The following NEBL variants were observed in gnomAD, a reference collection of about 807,000 sequenced individuals.
The protein encoded by NEBL is nebulette, also known as LIM and SH3 protein 2.
Under a neutral mutation model 140.2 loss-of-function variants are expected in NEBL, and 122 were observed. The observed-to-expected ratio is 0.87, with a 90% CI of 0.75 to 1.01. The LOEUF (loss-of-function observed/expected upper bound fraction) is 1.01, where lower values mean the gene tolerates loss of function less well. Ranked by LOEUF, NEBL falls within the 50% of genes least tolerant of loss-of-function variation. The pLI, the probability that NEBL is intolerant of heterozygous loss-of-function variation, is 0.00. For synonymous variants in NEBL, 436 were observed against 398.9 expected (o/e 1.09, Z -1.11); for missense variants, 1,365 against 1,231.3 (o/e 1.11, Z -1.62).
intron 2 of NEBL, among the ~76,000 whole-genome samples, chr10:21,066,886 T>C (rs532699776): frequency 6.6e-6 from 1 of 152,240 alleles, no homozygotes; most frequent in Admixed American, 6.5e-5. Context: ...TAAGAACTTT[T>C]AGCATCATGT....
At chr10:20,926,055 A>G (rs953137582) in intron 4 of NEBL, among the ~76,000 whole-genome samples, 2 of 152,202 alleles carry the variant, frequency 1.3e-5, no homozygotes, top group African/African-American at 4.8e-5. Context: ...ATTTTGTTTA[A>G]CTAAACTCTC....
At chr10:20,900,480 C>A (rs571142243), upstream of NEBL, among the ~76,000 whole-genome samples, 2 of 151,770 alleles carry the variant, frequency 1.3e-5, no homozygotes, top group South Asian at 4.2e-4. Flanking sequence ...GAGTTCGAGA[C>A]CAGCCTGACC....
chr10:20,861,876 G>T (rs772890840), intron 7 of NEBL, among the ~76,000 whole-genome samples: 1 of 152,056 alleles, frequency 6.6e-6, no homozygotes, highest in African/African-American at 2.4e-5. Context: ...TAAACCCACC[G>T]TAAGTTAAAA....
intron 1 of NEBL, among the ~76,000 whole-genome samples, chr10:21,272,161 T>A (rs1470025737): frequency 7.1e-6 from 1 of 140,358 alleles, no homozygotes; most frequent in Non-Finnish European, 1.5e-5. Flanking sequence ...GAGACGGGGT[T>A]TCACCATGTT....
chr10:21,114,813 G>A (rs1421122809), intron 2 of NEBL, among the ~76,000 whole-genome samples: 1 of 151,332 alleles, frequency 6.6e-6, no homozygotes, highest in Non-Finnish European at 1.5e-5. Context: ...TTAGCCAGTG[G>A]AAAGTTGGGT....
In NEBL at chr10:20,808,063, T is replaced by C. The variant is rs149341574; in HGVS notation, c.2761+447A>G. 5.3e-5 allele frequency among the ~76,000 whole-genome samples: 8 copies of C among 152,092 alleles called. No individual in the cohort carries two copies. The East Asian group carries it at 1.5e-3, about 29-fold the overall frequency. On this transcript the variant is annotated intron_variant, in intron 26 of 27. Transcript: ENST00000377122. ...AGGTCTAACTCTGTCTGCAAGTTTA[T>C]ATTAATATTTAAAATATACACATTC...
intron 1 of NEBL, among the ~76,000 whole-genome samples, chr10:21,261,284 A>G (rs934351388): frequency 1.3e-5 from 2 of 152,192 alleles, no homozygotes; most frequent in Admixed American, 6.5e-5. Context: ...AAAAGAAAGG[A>G]AAATTATCCT....
At chr10:21,159,917 C>T (rs1190298958) in intron 2 of NEBL, among the ~76,000 whole-genome samples, 1 of 152,180 alleles carries the variant, frequency 6.6e-6, no homozygotes, top group Admixed American at 6.5e-5. Context: ...TAAATATTCC[C>T]CTGCTGGTCT....
Position 20,782,933 on chromosome 10 carries a change from C to A in NEBL, c.*2814G>T, listed in dbSNP as rs187185988. Reference sequence around the variant, plus strand: ...CAAGAGAGAGAGGATCCCTATACAGCTTTGTTTTCAGAACCTTTTAAAAGT... The same window carrying A: ...CAAGAGAGAGAGGATCCCTATACAGATTTGTTTTCAGAACCTTTTAAAAGT... On this transcript the variant is annotated 3_prime_UTR_variant, in exon 28 of 28. Coordinates refer to ENST00000377122, the MANE Select transcript of NEBL (RefSeq NM_006393.3). 9.2e-5 allele frequency: 14 copies of A among 152,748 alleles called. No individual in the cohort carries two copies. The highest frequency in any genetic ancestry group is 9.1e-4 in the Admixed American group (14 of 15,302). 9.5% of individuals were successfully genotyped at this position (152,748 alleles called of 1,614,324 possible).
intron 11 of NEBL, among the ~76,000 whole-genome samples, chr10:20,846,549 T>C (rs1841965652): frequency 6.6e-6 from 1 of 152,134 alleles, no homozygotes; most frequent in Non-Finnish European, 1.5e-5. Flanking sequence ...AATAACCAGT[T>C]GCATTGAGAA....
chr10:20,950,400 C>T (rs1835400366), intron 4 of NEBL, among the ~76,000 whole-genome samples: 1 of 152,212 alleles, frequency 6.6e-6, no homozygotes, highest in Admixed American at 6.5e-5. Context: ...GGAATGGGAT[C>T]TCTCCCTGCA....
intron 3 of NEBL, among the ~76,000 whole-genome samples, chr10:20,978,250 G>A (rs1458407790): frequency 1.3e-5 from 2 of 152,092 alleles, no homozygotes; most frequent in African/African-American, 4.8e-5. Flanking sequence ...CCTAGTCTCA[G>A]GAAGGGCTCC....
intron 3 of NEBL, among the ~76,000 whole-genome samples, chr10:21,229,413 C>A (rs1009607266): frequency 6.6e-6 from 1 of 151,828 alleles, no homozygotes; most frequent in Non-Finnish European, 1.5e-5. Context: ...AGAGGGGGAC[C>A]CTGTCTCAGA....
chr10:21,062,923 G>A (rs190474281), intron 2 of NEBL, among the ~76,000 whole-genome samples: 15 of 152,174 alleles, frequency 9.9e-5, no homozygotes, highest in Admixed American at 9.2e-4. Context: ...AACAGAGAAG[G>A]ACACGAGCGG....
chr10:21,045,761 T>C (rs754184096), intron 2 of NEBL, among the ~76,000 whole-genome samples: 4 of 152,176 alleles, frequency 2.6e-5, no homozygotes, highest in African/African-American at 9.6e-5. Flanking sequence ...ACATTGTTGA[T>C]GAAAATGTAA....
intron 2 of NEBL, among the ~76,000 whole-genome samples, chr10:21,107,850 G>A (rs1837794318): frequency 6.6e-6 from 1 of 152,192 alleles, no homozygotes; most frequent in Non-Finnish European, 1.5e-5. Flanking sequence ...TTCAGAACCT[G>A]TCATTGGTCT....
intron 2 of NEBL, among the ~76,000 whole-genome samples, chr10:21,111,406 G>C (rs1838007784): frequency 6.6e-6 from 1 of 152,042 alleles, no homozygotes; most frequent in South Asian, 2.1e-4. Context: ...TAGACCAATG[G>C]AACAGAACAG....
intron 4 of NEBL, among the ~76,000 whole-genome samples, chr10:20,938,036 C>T (rs928542088): frequency 2.0e-5 from 3 of 152,208 alleles, no homozygotes; most frequent in East Asian, 1.9e-4. Context: ...AAACAAAAGG[C>T]AGCAGAATCC....
intron 1 of NEBL, among the ~76,000 whole-genome samples, chr10:21,270,283 A>C (rs1842846338): frequency 1.3e-5 from 2 of 152,216 alleles, no homozygotes; most frequent in African/African-American, 4.8e-5. Context: ...ATCTTCAATT[A>C]AGCTGCACAT....
Sources: allele counts gnomAD v4.1 joint callset (sites outside exome capture counted in the v4.1 genomes callset), GRCh38; gene constraint gnomAD v4.1.1; transcripts MANE v1.5; gene names NCBI Gene and HGNC (gene_info 2026-07-23, HGNC 2026-07-21).